TTC21B: variants seen among roughly 807,000 people sequenced by gnomAD.
The protein encoded by TTC21B is tetratricopeptide repeat domain 21B.
A neutral mutation model predicts 175.1 loss-of-function variants in TTC21B; 127 were observed. That is an observed-to-expected ratio of 0.73 (90% CI 0.63 to 0.84). The LOEUF is 0.84. Ranked by LOEUF, TTC21B falls within the 40% of genes least tolerant of loss-of-function variation. TTC21B has a pLI of 0.00. For synonymous variants in TTC21B, 524 were observed against 524.5 expected, an observed-to-expected ratio of 1.00 and a Z score of 0.01; for missense variants, 1,561 against 1,558.3, an observed-to-expected ratio of 1.00 and a Z score of -0.03.
At chr2:165,884,059 A>G (rs1036583305) in intron 25 of TTC21B, 41 bp from the exon 26 acceptor site, 6 of 1,514,950 alleles carry the variant, frequency 4.0e-6, no homozygotes, top group Non-Finnish European at 5.5e-6. Context: ...ATGCATAAAC[A>G]TAAATGCCCC....
chr2:165,930,567 T>C (rs1686851512), intron 8 of TTC21B, among the ~76,000 whole-genome samples: 1 of 152,010 alleles, frequency 6.6e-6, no homozygotes, highest in African/African-American at 2.4e-5. Flanking sequence ...CAGAACTTAA[T>C]ATCCTAATGA....
At chr2:165,925,628 T>A (rs912294466) in intron 11 of TTC21B, among the ~76,000 whole-genome samples, 26 of 152,204 alleles carry the variant, frequency 1.7e-4, no homozygotes, top group African/African-American at 5.3e-4. Flanking sequence ...CTCAAAAAGA[T>A]AATCAGAATA....
chr2:165,917,583 A>G (rs1023800586), intron 13 of TTC21B, 102 bp from the exon 14 acceptor site: 3 of 953,142 alleles, frequency 3.1e-6, no homozygotes, highest in African/African-American at 3.2e-5. Flanking sequence ...AGAACAGTCC[A>G]TCTTTGATTG....
chr2:165,943,666 T>TG (rs1687448420), intron 4 of TTC21B, among the ~76,000 whole-genome samples: 1 of 152,168 alleles, frequency 6.6e-6, no homozygotes, highest in African/African-American at 2.4e-5. Context: ...CACTTAAACA[T>TG]GAAATTCAAT....
At chr2:165,911,495 C>A in intron 17 of TTC21B, 30 bp from the exon 18 acceptor site, 1 of 1,613,162 alleles carries the variant, frequency 6.2e-7, no homozygotes, top group Non-Finnish European at 8.5e-7. Context: ...TTTAAGGGAA[C>A]AAGGCAATGA....
At chr2:165,932,930 T>C (rs1686965925) in intron 7 of TTC21B, 43 bp downstream of exon 7, 1 of 1,532,350 alleles carries the variant, frequency 6.5e-7, no homozygotes, top group Non-Finnish European at 9.0e-7. Flanking sequence ...TAATGAAATA[T>C]ATTTTTTAAT....
chr2:165,892,342 T>C (rs1407189110), intron 22 of TTC21B, among the ~76,000 whole-genome samples: 69 of 152,152 alleles, frequency 4.5e-4, no homozygotes, highest in Non-Finnish European at 1.5e-5. Context: ...CACCATGTAA[T>C]TCAGCAACTT....
chr2:165,914,872 T>A (rs1001846223), intron 15 of TTC21B, among the ~76,000 whole-genome samples: 1 of 152,124 alleles, frequency 6.6e-6, no homozygotes, highest in African/African-American at 2.4e-5. Context: ...CGTAGATTAT[T>A]GTTATATTAC....
chr2:165,951,812 AG>A (rs988380866), intron 1 of TTC21B, among the ~76,000 whole-genome samples: 6 of 152,232 alleles, frequency 3.9e-5, no homozygotes. Flanking sequence ...AATATAATGT[AG>A]TAAATGTAAG....
chr2:165,901,379 C>T (rs1052681482), intron 20 of TTC21B, among the ~76,000 whole-genome samples: 53 of 151,858 alleles, frequency 3.5e-4, no homozygotes, highest in Admixed American at 5.2e-4. Flanking sequence ...AGTGCAGTGG[C>T]GCGATCTTGG....
At chr2:165,891,101 A>T in intron 22 of TTC21B, 113 bp from the exon 23 acceptor site, 1 of 943,878 alleles carries the variant, frequency 1.1e-6, no homozygotes, top group African/African-American at 1.7e-5. Context: ...CATTTTAAAT[A>T]TAAATAAAAA....
At chr2:165,923,752 T>TTTG (rs999725538) in intron 12 of TTC21B, among the ~76,000 whole-genome samples, 1 of 147,962 alleles carries the variant, frequency 6.8e-6, no homozygotes, top group African/African-American at 2.5e-5. Context: ...GGTTTTTTTT[T>TTTG]TTTTTTTTTT....
rs779238823 is a variant in TTC21B, at chr2:165,876,247, A to G, written c.3806-15T>C. 2 of 1,493,788 alleles carry G rather than the reference A, an allele frequency of 1.3e-6. No individual in the cohort carries two copies. Among genetic ancestry groups the G allele is most frequent in the Admixed American group, 3.3e-5 (2 of 59,814 alleles). The allele number at this position is 1,493,788 out of a possible 1,614,324, so 92.5% of individuals were successfully genotyped here. A position where few individuals can be genotyped will look rare whatever the true frequency, so the allele number is the denominator to read the frequency against. On this transcript the variant is annotated splice_polypyrimidine_tract_variant and intron_variant, in intron 27 of 28. Coordinates refer to ENST00000243344, the MANE Select transcript of TTC21B (RefSeq NM_024753.5). ...CAGTTTGTATCCTGTTAAGACAAAA[A>G]CCATAAAACAGAATGATGGAGTACA...
Position 165,953,670 on chromosome 2 carries a change from C to CGCTCACCT in TTC21B, c.21+14_21+15insAGGTGAGC. The CGCTCACCT allele has an allele frequency of 6.5e-7, 1 of 1,547,742 alleles. No homozygotes were observed. Among genetic ancestry groups the CGCTCACCT allele is most frequent in the South Asian group, 1.2e-5 (1 of 83,972 alleles). ...CCGCCCGCCCGCTCACCCGCTCACCCGCTCACCCGCTCACCTTCAATTCCT... is the reference window on the plus strand; with the variant it reads ...CCGCCCGCCCGCTCACCCGCTCACCCGCTCACCTGCTCACCCGCTCACCTTCAATTCCT... On this transcript the variant is annotated intron_variant, in intron 1 of 28. Coordinates refer to ENST00000243344, the MANE Select transcript of TTC21B (RefSeq NM_024753.5).
At chr2:165,895,566 T>C (rs2105297540) in intron 22 of TTC21B, among the ~76,000 whole-genome samples, 1 of 152,142 alleles carries the variant, frequency 6.6e-6, no homozygotes, top group African/African-American at 2.4e-5. Flanking sequence ...TGAGATAGAA[T>C]GAATATATTA....
At chr2:165,920,495 A>G (rs1195395158) in intron 12 of TTC21B, among the ~76,000 whole-genome samples, 1 of 152,198 alleles carries the variant, frequency 6.6e-6, no homozygotes, top group Non-Finnish European at 1.5e-5. Flanking sequence ...TTGTGATACA[A>G]TCCAACACTC....
chr2:165,951,937 G>C (rs1687773755), intron 1 of TTC21B, among the ~76,000 whole-genome samples: 1 of 152,138 alleles, frequency 6.6e-6, no homozygotes, highest in African/African-American at 2.4e-5. Context: ...AAAGATTATT[G>C]GGGAGGATTT....
intron 1 of TTC21B, among the ~76,000 whole-genome samples, chr2:165,952,136 A>G (rs1287552735): frequency 6.6e-6 from 1 of 152,200 alleles, no homozygotes; most frequent in East Asian, 1.9e-4. Flanking sequence ...AAGCCACTCC[A>G]TACTCTAGAG....
At chr2:165,902,026 C>G in intron 19 of TTC21B, 116 bp from the exon 20 acceptor site, 1 of 918,016 alleles carries the variant, frequency 1.1e-6, no homozygotes, top group Non-Finnish European at 1.7e-6. Context: ...CTTGATCTAA[C>G]AAAGTCTGAT....
Sources: gnomAD v4.1 joint callset for allele counts (sites outside exome capture counted in the v4.1 genomes callset) on GRCh38, gnomAD v4.1.1 for gene constraint, MANE v1.5 for transcripts, NCBI Gene and HGNC (gene_info 2026-07-23, HGNC 2026-07-21) for gene names.